The following BCL11B variants were observed in gnomAD, a reference collection of about 807,000 sequenced individuals.
BCL11B encodes the protein B-cell lymphoma/leukemia 11B.
A neutral mutation model predicts 49.9 loss-of-function variants in BCL11B; 8 were observed. The ratio of observed to expected loss-of-function variants is 0.16; its 90% CI spans 0.09 to 0.29. The LOEUF is 0.29. Among genes scored for constraint, BCL11B ranks in the 10% least tolerant of loss-of-function variants. BCL11B has a pLI of 1.00. For missense variants in BCL11B, 1,006 were observed against 1,351.0 expected (o/e 0.74, Z 4.00); for synonymous variants, 739 against 637.4 (o/e 1.16, Z -2.40).
chr14:99,216,424 A>T (rs1261162410), intron 3 of BCL11B, among the ~76,000 whole-genome samples: 5 of 152,210 alleles, frequency 3.3e-5, no homozygotes, highest in Non-Finnish European at 7.3e-5. Flanking sequence ...GAGACATCCG[A>T]GTCGGGATTT....
At chr14:99,238,502 A>C (rs1888568611) in intron 2 of BCL11B, among the ~76,000 whole-genome samples, 1 of 152,072 alleles carries the variant, frequency 6.6e-6, no homozygotes, top group South Asian at 2.1e-4. Context: ...AAATTCCAAC[A>C]CCAAGGCCCC....
intron 1 of BCL11B, among the ~76,000 whole-genome samples, chr14:99,258,609 G>A (rs756109715): frequency 9.9e-5 from 15 of 152,190 alleles, no homozygotes; most frequent in Non-Finnish European, 1.6e-4. Context: ...TTAGGAGAAA[G>A]CACTGCAGCA....
Position 99,271,919 on chromosome 14 carries a change from G to T in BCL11B, c.-701C>A, listed in dbSNP as rs1889702307. Among the ~76,000 whole-genome samples, 1 of 152,008 alleles carries T rather than the reference G, an allele frequency of 6.6e-6. No individual in the cohort carries two copies. The highest frequency in any genetic ancestry group is 1.5e-5 in the Non-Finnish European group (1 of 67,974). ...GCTGCCTGTTTTTGTTTTTGTTTTTGTTTTTTCTCGGAGACTGACCCTTCC... is the reference window on the plus strand; with the variant it reads ...GCTGCCTGTTTTTGTTTTTGTTTTTTTTTTTTCTCGGAGACTGACCCTTCC... On this transcript the variant is annotated 5_prime_UTR_variant, in exon 1 of 4. Coordinates refer to ENST00000357195, the MANE Select transcript of BCL11B (RefSeq NM_138576.4).
rs530143508 is a variant in BCL11B, at chr14:99,224,741, G to A, written c.640+6604C>T. Among the ~76,000 whole-genome samples, 145 of 152,296 alleles carry A rather than the reference G, an allele frequency of 9.5e-4. 1 individual carries two copies. Among genetic ancestry groups the A allele is most frequent in the Middle Eastern group, 3.4e-3 (1 of 294 alleles). On this transcript the variant is annotated intron_variant, in intron 3 of 3. Transcript: ENST00000357195. Reference sequence around the variant, plus strand: ...GTACTTCAGTGTCCCCATTTTACAGGTGGGGACACTGAAGATTGGAGAGAG... The same window carrying A: ...GTACTTCAGTGTCCCCATTTTACAGATGGGGACACTGAAGATTGGAGAGAG...
chr14:99,264,924 G>GA (rs1328240016), intron 1 of BCL11B, among the ~76,000 whole-genome samples: 2 of 152,138 alleles, frequency 1.3e-5, no homozygotes, highest in Non-Finnish European at 2.9e-5. Flanking sequence ...CTTGGGGAGG[G>GA]ATGGAGCAAG....
intron 3 of BCL11B, among the ~76,000 whole-genome samples, chr14:99,220,307 G>A (rs1887971555): frequency 6.6e-6 from 1 of 152,216 alleles, no homozygotes; most frequent in Admixed American, 6.5e-5. Context: ...GTTCTTAGCT[G>A]TGCCATTCAC....
At position 99,272,034 on chromosome 14, in the gene BCL11B, G is replaced by A. The variant is rs1474708077; in HGVS notation, c.-816C>T. ...GAGGGGCTGCCGAGTCCCCGCGAGC[G>A]CTCCCCAGCGCTCCCCTGGCGCCGC... On this transcript the variant is annotated 5_prime_UTR_variant, in exon 1 of 4. Coordinates refer to ENST00000357195, the MANE Select transcript of BCL11B (RefSeq NM_138576.4). This position sits in a 1 kb window ranked among gnomAD's most constrained non-coding sequence, Gnocchi z 6.0. Among the ~76,000 whole-genome samples the A allele has an allele frequency of 6.6e-6, 1 of 151,908 alleles. No individual in the cohort carries two copies. The highest frequency in any genetic ancestry group is 2.4e-5 in the African/African-American group (1 of 41,406).
chr14:99,219,813 TA>T (rs201611669), intron 3 of BCL11B, among the ~76,000 whole-genome samples: 3,133 of 144,578 alleles, frequency 0.022, 99 homozygotes, highest in African/African-American at 0.072. Context: ...AAATAAAAAT[TA>T]AAAAAAAAAA....
rs899747014 is a variant in BCL11B at position 99,231,087 on chromosome 14, G to T, written c.640+258C>A. Among the ~76,000 whole-genome samples the T allele has an allele frequency of 6.6e-6, 1 of 152,226 alleles. No individual in the cohort carries two copies. The highest frequency in any genetic ancestry group is 1.5e-5 in the Non-Finnish European group (1 of 68,044). ...GTCGCTAAACAACCCAAAGAAGCGG[G>T]ATTGGGAGGCTGGGGAATGCATTCT... On this transcript the variant is annotated intron_variant, in intron 3 of 3. Transcript: ENST00000357195. The surrounding 1 kb of genome is among the most constrained non-coding windows in gnomAD (Gnocchi z 8.1).
rs1889355549 is a variant in BCL11B, at chr14:99,262,198, C to T, written c.59-4359G>A. Among the ~76,000 whole-genome samples, 1 of 152,246 alleles carries T rather than the reference C, an allele frequency of 6.6e-6. No individual in the cohort carries two copies. Among genetic ancestry groups the T allele is most frequent in the African/African-American group, 2.4e-5 (1 of 41,470 alleles). On this transcript the variant is annotated intron_variant, in intron 1 of 3. Transcript: ENST00000357195. The surrounding 1 kb of genome is among the most constrained non-coding windows in gnomAD (Gnocchi z 4.2). Reference sequence around the variant, plus strand: ...CCTTACCTGGCCAGTGACTCCCCCACACACAGGGTGCCAAGGACCCCGCCC... The same window carrying T: ...CCTTACCTGGCCAGTGACTCCCCCATACACAGGGTGCCAAGGACCCCGCCC...
intron 3 of BCL11B, among the ~76,000 whole-genome samples, chr14:99,181,331 C>T (rs999639219): frequency 6.6e-6 from 1 of 152,248 alleles, no homozygotes; most frequent in Non-Finnish European, 1.5e-5. Flanking sequence ...CATGCATTCA[C>T]TCACACCATC....
At position 99,267,605 on chromosome 14, in the gene BCL11B, G is replaced by A. The variant is rs987870868; in HGVS notation, c.58+3556C>T. Among the ~76,000 whole-genome samples, 8 of 150,468 alleles carry A rather than the reference G, an allele frequency of 5.3e-5. No individual in the cohort carries two copies. In the East Asian group the frequency reaches 5.8e-4, roughly 11 times the overall value. ...AGGGCTATGTCTTATGAAATTTATC[G>A]GAGGCCCAATTCTGAAAGACATGTG... On this transcript the variant is annotated intron_variant, in intron 1 of 3. Transcript: ENST00000357195.
At chr14:99,240,556 G>A (rs548300840) in intron 2 of BCL11B, among the ~76,000 whole-genome samples, 1 of 152,288 alleles carries the variant, frequency 6.6e-6, no homozygotes, top group Non-Finnish European at 1.5e-5. Flanking sequence ...CTTTAACTGA[G>A]TTTTCTGTAT....
At chr14:99,269,534 A>T (rs1194926530) in intron 1 of BCL11B, among the ~76,000 whole-genome samples, 2 of 147,614 alleles carry the variant, frequency 1.4e-5, no homozygotes, top group Admixed American at 6.7e-5. Flanking sequence ...CCCAAAAAAA[A>T]TCATAATAAA....
At position 99,173,510 on chromosome 14, in the gene BCL11B, G is replaced by T; in HGVS notation, c.*641C>A. 4.8e-6 allele frequency: 1 copy of T among 208,770 alleles called. No homozygotes were observed. Among genetic ancestry groups the T allele is most frequent in the Non-Finnish European group, 9.7e-6 (1 of 103,574 alleles). The allele number at this position is 208,770 out of a possible 1,614,324, so 12.9% of individuals were successfully genotyped here. The stretch of plus-strand genomic sequence containing the variant: ...ACAAAGTGCTACGACTTGAAAGATT[G>T]TTATCCGCTGTACATCCACACCCCC... On this transcript the variant is annotated 3_prime_UTR_variant, in exon 4 of 4. Transcript: ENST00000357195.
rs1051460585 is a variant in BCL11B, at chr14:99,172,276, C to G, written c.*1875G>C. On this transcript the variant is annotated 3_prime_UTR_variant, in exon 4 of 4. Coordinates refer to ENST00000357195, the MANE Select transcript of BCL11B (RefSeq NM_138576.4). ...TCACCTCCACTCCATATCTAAGCAG[C>G]GTTGTCCCAAAAACAAAAGGGGCTG... 1.3e-5 allele frequency: 3 copies of G among 225,788 alleles called. No individual in the cohort carries two copies. The highest frequency in any genetic ancestry group is 1.8e-4 in the South Asian group (1 of 5,438). 14.0% of individuals were successfully genotyped at this position (225,788 alleles called of 1,614,324 possible). A position where few individuals can be genotyped will look rare whatever the true frequency, so the allele number is the denominator to read the frequency against.
chr14:99,267,036 C>T (rs1016357258), intron 1 of BCL11B, among the ~76,000 whole-genome samples: 1 of 152,118 alleles, frequency 6.6e-6, no homozygotes, highest in Non-Finnish European at 1.5e-5. Context: ...CTCAAATGCA[C>T]CCAAAGTTGG....
intron 3 of BCL11B, among the ~76,000 whole-genome samples, chr14:99,216,686 G>A (rs1364709327): frequency 1.3e-5 from 2 of 152,134 alleles, no homozygotes; most frequent in Non-Finnish European, 2.9e-5. Flanking sequence ...GAAAGTTCAG[G>A]GAAGAAAAAT....
intron 3 of BCL11B, among the ~76,000 whole-genome samples, chr14:99,210,578 C>T (rs563024889): frequency 6.6e-6 from 1 of 152,280 alleles, no homozygotes; most frequent in South Asian, 2.1e-4. Flanking sequence ...CCCACAGGAG[C>T]CCAAGCAGCT....
Sources: allele counts gnomAD v4.1 joint callset (sites outside exome capture counted in the v4.1 genomes callset), GRCh38; gene constraint gnomAD v4.1.1; non-coding constraint Gnocchi (gnomAD v3.1); transcripts MANE v1.5; gene names NCBI Gene and HGNC (gene_info 2026-07-23, HGNC 2026-07-21).